Variants in MBNL2 observed in about 807,000 individuals in gnomAD.
MBNL2 encodes the protein muscleblind-like protein 2.
Under a neutral mutation model 41.9 loss-of-function variants are expected in MBNL2, and 17 were observed. The observed-to-expected ratio is 0.41, with a 90% CI of 0.28 to 0.61. The LOEUF (loss-of-function observed/expected upper bound fraction) is 0.61. Ranked by LOEUF, MBNL2 falls within the 20% of genes least tolerant of loss-of-function variation. The pLI, the probability that MBNL2 is intolerant of heterozygous loss-of-function variation, is 0.35. For synonymous variants in MBNL2, 195 were observed against 182.9 expected (o/e 1.07, Z -0.53); for missense variants, 336 against 505.6 (o/e 0.66, Z 3.22).
the MBNL2 span, chr13:97,172,466 A>C: frequency 1.3e-5 from 2 of 152,228 alleles, no homozygotes; most frequent in African/African-American, 4.8e-5. Flanking sequence ...GCTATCTGTG[A>C]CAAGTCTTGT....
At chr13:97,235,305 C>G (rs769097546) in intron 1 of MBNL2, among the ~76,000 whole-genome samples, 2 of 152,126 alleles carry the variant, frequency 1.3e-5, no homozygotes, top group Non-Finnish European at 2.9e-5. Flanking sequence ...GCATTTTTAA[C>G]AAAAATTGCC....
chr13:97,339,852 G>C (rs1162848496), intron 3 of MBNL2, among the ~76,000 whole-genome samples: 1 of 141,778 alleles, frequency 7.1e-6, no homozygotes, highest in Non-Finnish European at 1.5e-5. Flanking sequence ...AGAAACATAC[G>C]GGCAACTGAT....
chr13:97,166,793 T>TAGAC, the MBNL2 span, among the ~76,000 whole-genome samples: 4 of 131,362 alleles, frequency 3.0e-5, no homozygotes, highest in African/African-American at 1.3e-4. Flanking sequence ...GATAGATAGA[T>TAGAC]AGATAGATAG....
Position 97,339,253 on chromosome 13 carries a change from G to A in MBNL2, c.340-3763G>A, listed in dbSNP as rs923103791. On this transcript the variant is annotated intron_variant, in intron 3 of 8. Coordinates refer to ENST00000679496, the MANE Select transcript of MBNL2 (RefSeq NM_001382683.1). ...GTGAATGTGTATGAGTATGTGTTGTGTATATGAGTGTGTTGTGTGTGTGAG... is the reference window on the plus strand; with the variant it reads ...GTGAATGTGTATGAGTATGTGTTGTATATATGAGTGTGTTGTGTGTGTGAG... 1.9e-4 allele frequency among the ~76,000 whole-genome samples: 29 copies of A among 151,694 alleles called. No homozygotes were observed. In the East Asian group the frequency reaches 3.7e-3, roughly 20 times the overall value.
chr13:97,216,404 A>G, the MBNL2 span, among the ~76,000 whole-genome samples: 1 of 152,200 alleles, frequency 6.6e-6, no homozygotes, highest in Non-Finnish European at 1.5e-5. Context: ...TAACTAGAAA[A>G]AAAAGTAAAA....
chr13:97,311,516 T>C (rs754985327), intron 2 of MBNL2, among the ~76,000 whole-genome samples: 4 of 152,242 alleles, frequency 2.6e-5, no homozygotes, highest in Non-Finnish European at 4.4e-5. Flanking sequence ...AAGCTTTTCA[T>C]TCTAGCTATG....
At chr13:97,341,698 C>T (rs565086630) in intron 3 of MBNL2, among the ~76,000 whole-genome samples, 2 of 152,308 alleles carry the variant, frequency 1.3e-5, no homozygotes, top group South Asian at 4.1e-4. Flanking sequence ...AATAGGCTTT[C>T]CTGCCTGTCT....
At chr13:97,368,048 G>T (rs1452250649) in intron 8 of MBNL2, among the ~76,000 whole-genome samples, 2 of 152,130 alleles carry the variant, frequency 1.3e-5, no homozygotes, top group Admixed American at 6.5e-5. Flanking sequence ...CAAGTCTGAA[G>T]TCCTGCCTCC....
At chr13:97,343,248 A>C in intron 4 of MBNL2, 32 bp downstream of exon 4, 22 of 1,474,050 alleles carry the variant, frequency 1.5e-5, no homozygotes, top group Non-Finnish European at 2.1e-5. Flanking sequence ...TTTGACATGC[A>C]TTTGTGGTAG....
the MBNL2 span, among the ~76,000 whole-genome samples, chr13:97,203,653 C>T: frequency 6.6e-6 from 1 of 152,150 alleles, no homozygotes; most frequent in South Asian, 2.1e-4. Flanking sequence ...CGTCAAGCAC[C>T]GCCTGACTCT....
intron 5 of MBNL2, among the ~76,000 whole-genome samples, chr13:97,353,475 C>T (rs1223123791): frequency 6.6e-6 from 1 of 152,174 alleles, no homozygotes; most frequent in Non-Finnish European, 1.5e-5. Flanking sequence ...TTCCATTCGC[C>T]TGACTTCCAT....
chr13:97,205,182 T>TTA, the MBNL2 span, among the ~76,000 whole-genome samples: 1,040 of 133,186 alleles, frequency 7.8e-3, 13 homozygotes, highest in African/African-American at 0.022. Flanking sequence ...AAAAAAAAAA[T>TTA]TATATATATA....
chr13:97,253,320 A>T (rs549587722), intron 1 of MBNL2, among the ~76,000 whole-genome samples: 1 of 152,364 alleles, frequency 6.6e-6, no homozygotes, highest in East Asian at 1.9e-4. Context: ...GAAAAAGTAT[A>T]GTCCCAACCC....
At chr13:97,365,255 A>G (rs969665413) in intron 8 of MBNL2, 84 bp downstream of exon 8, 3 of 905,842 alleles carry the variant, frequency 3.3e-6, no homozygotes, top group Admixed American at 3.4e-5. Flanking sequence ...GATGGTAGAA[A>G]TGCTATAGGA....
At chr13:97,153,076 A>T in the MBNL2 span, among the ~76,000 whole-genome samples, 9 of 152,226 alleles carry the variant, frequency 5.9e-5, no homozygotes, top group African/African-American at 2.2e-4. Context: ...AGCAATTGGC[A>T]CATAGAAAAC....
the MBNL2 span, among the ~76,000 whole-genome samples, chr13:97,193,693 G>A: frequency 3.9e-5 from 6 of 152,204 alleles, no homozygotes; most frequent in Admixed American, 2.0e-4. Context: ...GGAGTGGAGA[G>A]ATCAGCATGT....
chr13:97,364,957 A>G (rs3825422), intron 7 of MBNL2, among the ~76,000 whole-genome samples, 179 bp from the exon 8 acceptor site: 39,830 of 152,222 alleles, frequency 0.26, 5,417 homozygotes, highest in Non-Finnish European at 0.3. Flanking sequence ...ATACTGGCTT[A>G]AAATAAGTCA....
At chr13:97,199,591 G>T in the MBNL2 span, among the ~76,000 whole-genome samples, 1 of 152,210 alleles carries the variant, frequency 6.6e-6, no homozygotes, top group Non-Finnish European at 1.5e-5. Flanking sequence ...AAAATGCTGT[G>T]GGTATGGAGA....
Position 97,224,465 on chromosome 13 carries a change from T to C in MBNL2, c.-605+1934T>C, listed in dbSNP as rs77159723. Reference sequence around the variant, plus strand: ...AAAAAAGATTTTGACTGGAGCACATTGGAGTTCTCGGGAGTTCCCAAAGCT... The same window carrying C: ...AAAAAAGATTTTGACTGGAGCACATCGGAGTTCTCGGGAGTTCCCAAAGCT... On this transcript the variant is annotated intron_variant, in intron 1 of 8. Transcript: ENST00000679496. Among the ~76,000 whole-genome samples the C allele has an allele frequency of 7.3e-3, 1,104 of 152,220 alleles. 13 individuals carry two copies. Among genetic ancestry groups the C allele is most frequent in the East Asian group, 0.02 (104 of 5,178 alleles).
Sources: allele counts gnomAD v4.1 joint callset (sites outside exome capture counted in the v4.1 genomes callset), GRCh38; gene constraint gnomAD v4.1.1; transcripts MANE v1.5; gene names NCBI Gene and HGNC (gene_info 2026-07-23, HGNC 2026-07-21).